The following ARHGAP8 variants were observed in gnomAD, a reference collection of about 807,000 sequenced individuals.
The protein encoded by ARHGAP8 is Rho GTPase activating protein 8, also known as rho GTPase-activating protein 8.
A neutral mutation model predicts 46.1 loss-of-function variants in ARHGAP8; 62 were observed. That is an observed-to-expected ratio of 1.34 (90% CI 1.10 to 1.66). The LOEUF (loss-of-function observed/expected upper bound fraction) is 1.66, where lower values mean the gene tolerates loss of function less well. Among genes scored for constraint, ARHGAP8 ranks in the 40% most tolerant of loss-of-function variants. The pLI is 0.00. For missense variants in ARHGAP8, 923 were observed against 568.4 expected, an observed-to-expected ratio of 1.62 and a Z score of -6.34; for synonymous variants, 375 against 243.1, an observed-to-expected ratio of 1.54 and a Z score of -5.05.
rs569590472 is a variant in ARHGAP8 at position 44,860,144 on chromosome 22, A to C, written c.981+310A>C. Among the ~76,000 whole-genome samples the C allele has an allele frequency of 1.3e-3, 197 of 151,992 alleles. 3 individuals are homozygous for C. The highest frequency in any genetic ancestry group is 4.7e-3 in the African/African-American group (194 of 41,482). ...CCCATGTCATTTCCTGCTTGGGCTGAGTCTCTAGGAGGTGGGAGCTGTGTC... is the reference window on the plus strand; with the variant it reads ...CCCATGTCATTTCCTGCTTGGGCTGCGTCTCTAGGAGGTGGGAGCTGTGTC... On this transcript the variant is annotated intron_variant, in intron 11 of 11. Transcript: ENST00000356099.
chr22:44,797,702 C>G (rs1477382027), intron 2 of ARHGAP8, among the ~76,000 whole-genome samples: 1 of 152,232 alleles, frequency 6.6e-6, no homozygotes, highest in Non-Finnish European at 1.5e-5. Context: ...AAAGACAGCC[C>G]CCTGGCCAGG....
intron 1 of ARHGAP8, among the ~76,000 whole-genome samples, chr22:44,772,223 CTTTTTTTTTTTT>C (rs71188484): frequency 6.1e-5 from 1 of 16,400 alleles, no homozygotes; most frequent in East Asian, 3.1e-3. Flanking sequence ...ACTGTTTTGC[CTTTTTTTTTTTT>C]TTTTTTTTTT....
intron 7 of ARHGAP8, among the ~76,000 whole-genome samples, chr22:44,828,778 C>T (rs1026043576): frequency 2.6e-5 from 4 of 152,044 alleles, no homozygotes; most frequent in Admixed American, 1.3e-4. Context: ...ATCAGGTGAC[C>T]GTTTTCCCCA....
chr22:44,783,116 CT>C (rs772613403), intron 1 of ARHGAP8, among the ~76,000 whole-genome samples: 1 of 139,760 alleles, frequency 7.2e-6, no homozygotes, highest in Non-Finnish European at 1.6e-5. Flanking sequence ...TCTGCTCAAT[CT>C]TCTCAGGGCC....
At chr22:44,768,301 CT>C (rs557678868) in intron 1 of ARHGAP8, among the ~76,000 whole-genome samples, 2 of 150,456 alleles carry the variant, frequency 1.3e-5, no homozygotes, top group Non-Finnish European at 3.0e-5. Flanking sequence ...GGCCTCATTT[CT>C]TTTTTTGTTG....
In ARHGAP8 at chr22:44,837,686, G is replaced by A. The variant is rs565214557; in HGVS notation, c.597-7583G>A. The stretch of plus-strand genomic sequence containing the variant: ...GTCCATTGAACAAGCCTCTCTCTCC[G>A]AGCCAGCAAGTAGCGGATGGGCAGG... On this transcript the variant is annotated intron_variant, in intron 7 of 11. Transcript: ENST00000356099. 3.9e-4 allele frequency among the ~76,000 whole-genome samples: 60 copies of A among 152,238 alleles called. No homozygotes were observed. The South Asian group carries it at 5.6e-3, about 14-fold the overall frequency.
At chr22:44,817,674 G>A (rs1433364042) in intron 5 of ARHGAP8, among the ~76,000 whole-genome samples, 1 of 151,998 alleles carries the variant, frequency 6.6e-6, no homozygotes, top group Non-Finnish European at 1.5e-5. Flanking sequence ...TGTGGTGGTG[G>A]GCGCGTATAA....
intron 1 of ARHGAP8, 115 bp from the exon 2 acceptor site, chr22:44,786,315 TAGTGGGTGCACGGCTGAGGTAGGGCGC>T: frequency 2.0e-6 from 2 of 984,580 alleles, no homozygotes; most frequent in Non-Finnish European, 2.8e-6. Flanking sequence ...GCAGGGCGCG[TAGTGGGTGCACGGCTGAGGTAGGGCGC>T]GTAGTGGGTG....
At chr22:44,790,541 T>TGGCG (rs1408681052) in intron 2 of ARHGAP8, among the ~76,000 whole-genome samples, 1 of 151,616 alleles carries the variant, frequency 6.6e-6, no homozygotes, top group Admixed American at 6.6e-5. Context: ...CCAGGTGTGG[T>TGGCG]GGCACATATC....
chr22:44,808,266 G>A (rs1929071882), intron 3 of ARHGAP8, 41 bp from the exon 4 acceptor site: 2 of 1,594,964 alleles, frequency 1.3e-6, no homozygotes, highest in Non-Finnish European at 1.7e-6. Flanking sequence ...TCAATAATGA[G>A]TAGGTGATTT....
intron 6 of ARHGAP8, 81 bp from the exon 7 acceptor site, chr22:44,825,402 G>A (rs546068174): frequency 6.8e-7 from 1 of 1,476,134 alleles, no homozygotes; most frequent in East Asian, 2.3e-5. Flanking sequence ...CCTGCAGGTG[G>A]GGCATCCAGC....
chr22:44,838,304 A>G (rs1931425933), intron 7 of ARHGAP8, among the ~76,000 whole-genome samples: 1 of 151,982 alleles, frequency 6.6e-6, no homozygotes, highest in Admixed American at 6.5e-5. Flanking sequence ...CACCTGGCTA[A>G]TTTTTGCATT....
intron 5 of ARHGAP8, among the ~76,000 whole-genome samples, chr22:44,821,267 T>G (rs1032325767): frequency 6.6e-6 from 1 of 151,888 alleles, no homozygotes; most frequent in African/African-American, 2.4e-5. Context: ...CCGTCTCTAC[T>G]AAAAATACAA....
At chr22:44,768,740 A>G (rs1925783062) in intron 1 of ARHGAP8, among the ~76,000 whole-genome samples, 1 of 152,000 alleles carries the variant, frequency 6.6e-6, no homozygotes, top group Non-Finnish European at 1.5e-5. Context: ...TTCCTGTTGC[A>G]GGAAGGTATG....
At chr22:44,755,229 T>A (rs559859917) in intron 1 of ARHGAP8, among the ~76,000 whole-genome samples, 1 of 152,322 alleles carries the variant, frequency 6.6e-6, no homozygotes, top group Middle Eastern at 3.4e-3. Flanking sequence ...GCAGCTACAG[T>A]GTTCCCCGTG....
intron 10 of ARHGAP8, among the ~76,000 whole-genome samples, chr22:44,855,803 T>C (rs2070206055): frequency 6.6e-6 from 1 of 152,138 alleles, no homozygotes; most frequent in Non-Finnish European, 1.5e-5. Flanking sequence ...GCTGGTAGGA[T>C]GTCAGCTGTC....
rs773545359 is a variant in ARHGAP8 at position 44,825,474 on chromosome 22, T to A, written c.486-9T>A. On this transcript the variant is annotated splice_polypyrimidine_tract_variant and intron_variant, in intron 6 of 11. Coordinates refer to ENST00000356099, the MANE Select transcript of ARHGAP8 (RefSeq NM_181335.3). ...CCAGGTGAGATCCCAGCCTCTGTTG[T>A]GTCTACAGGTACGATGAGAAGCTCC... 4 of 1,608,930 alleles carry A rather than the reference T, an allele frequency of 2.5e-6. No homozygotes were observed. In the Admixed American group the frequency reaches 5.0e-5, roughly 20 times the overall value.
intron 5 of ARHGAP8, among the ~76,000 whole-genome samples, chr22:44,819,376 A>G (rs1382203838): frequency 6.6e-6 from 1 of 152,196 alleles, no homozygotes; most frequent in East Asian, 1.9e-4. Flanking sequence ...CCTGATTTAA[A>G]ATGTTTTTAA....
chr22:44,856,471 A>G (rs1187729148), intron 10 of ARHGAP8, among the ~76,000 whole-genome samples: 1 of 151,740 alleles, frequency 6.6e-6, no homozygotes, highest in Admixed American at 6.6e-5. Flanking sequence ...ACGGGGTTTC[A>G]CCGTGTTGGC....
Sources: gnomAD v4.1 joint callset for allele counts (sites outside exome capture counted in the v4.1 genomes callset) on GRCh38, gnomAD v4.1.1 for gene constraint, MANE v1.5 for transcripts, NCBI Gene and HGNC (gene_info 2026-07-23, HGNC 2026-07-21) for gene names.